Variants in IGSF9B observed in about 807,000 individuals in gnomAD.
The protein encoded by IGSF9B is immunoglobulin superfamily member 9B.
A neutral mutation model predicts 143.7 loss-of-function variants in IGSF9B; 48 were observed. That is an observed-to-expected ratio of 0.33 (90% CI 0.26 to 0.42). The LOEUF (loss-of-function observed/expected upper bound fraction) is 0.42. Among genes scored for constraint, IGSF9B ranks in the 20% least tolerant of loss-of-function variants. IGSF9B has a pLI of 1.00. For synonymous variants in IGSF9B, 903 were observed against 833.1 expected (o/e 1.08, Z -1.44); for missense variants, 1,706 against 1,980.0 (o/e 0.86, Z 2.63).
intron 17 of IGSF9B, among the ~76,000 whole-genome samples, 179 bp from the exon 18 acceptor site, chr11:133,921,576 T>C (rs1939539474): frequency 6.8e-6 from 1 of 146,830 alleles, no homozygotes; most frequent in Non-Finnish European, 1.5e-5. Flanking sequence ...TGAATCCTCC[T>C]TTTTTTTTTA....
chr11:133,956,115 G>A (rs1940247750), intron 1 of IGSF9B, among the ~76,000 whole-genome samples: 2 of 152,144 alleles, frequency 1.3e-5, no homozygotes, highest in African/African-American at 4.8e-5. Context: ...CCCTGCTAGG[G>A]GGATCCGACC....
In IGSF9B at chr11:133,900,094, A is replaced by G. The variant is rs1335162717; in HGVS notation, c.*8975T>C. On this transcript the variant is annotated 3_prime_UTR_variant, in exon 20 of 20. Coordinates refer to ENST00000533871, the MANE Select transcript of IGSF9B (RefSeq NM_001277285.4). The stretch of plus-strand genomic sequence containing the variant: ...ATGTAAGGATCAAGAGTTAGACTCA[A>G]GCTTTACCCCAACCTACTCTTCCCA... 2 of 114,980 alleles carry G rather than the reference A, an allele frequency of 1.7e-5. No individual in the cohort carries two copies. Among genetic ancestry groups the G allele is most frequent in the Non-Finnish European group, 4.3e-5 (2 of 46,836 alleles). 7.1% of individuals were successfully genotyped at this position (114,980 alleles called of 1,614,324 possible).
rs757431755 is a variant in IGSF9B, at chr11:133,935,775, A to G, written c.822-13T>C. On this transcript the variant is annotated splice_polypyrimidine_tract_variant and intron_variant, in intron 6 of 19. Transcript: ENST00000533871. ...CAGCTTCAGGTCGCTGCAAAGCGGC[A>G]TGGGGACAGGGGGTTGGGCGAGCAG... is the stretch of plus-strand genomic sequence containing the variant. The G allele has an allele frequency of 3.7e-6, 6 of 1,610,038 alleles. No individual in the cohort carries two copies. The South Asian group carries it at 6.6e-5, about 18-fold the overall frequency.
chr11:133,953,428 ACACATCCATCCAGC>A lies in IGSF9B; in HGVS notation c.64+3249_64+3262del, dbSNP rs1940198688. Among the ~76,000 whole-genome samples, 2 of 152,072 alleles carry A rather than the reference ACACATCCATCCAGC, an allele frequency of 1.3e-5. No individual in the cohort carries two copies. Among genetic ancestry groups the A allele is most frequent in the African/African-American group, 4.8e-5 (2 of 41,388 alleles). ...GCATGTGTGTGCTGAGGATACACACACACATCCATCCAGCCACTGACCACTTCCTGAGTGAAGTC... is the reference window on the plus strand; with the variant it reads ...GCATGTGTGTGCTGAGGATACACACACACTGACCACTTCCTGAGTGAAGTC... On this transcript the variant is annotated intron_variant, in intron 1 of 19. Transcript: ENST00000533871. The surrounding 1 kb of genome is among the most constrained non-coding windows in gnomAD (Gnocchi z 4.2).
chr11:133,942,675 G>C (rs767138161), intron 3 of IGSF9B, among the ~76,000 whole-genome samples: 5 of 152,170 alleles, frequency 3.3e-5, no homozygotes, highest in Non-Finnish European at 2.9e-5. Context: ...CCCTCAGCCT[G>C]GTGTTCATCA....
intron 18 of IGSF9B, chr11:133,919,053 G>C (rs912280462): frequency 1.4e-5 from 7 of 504,772 alleles, no homozygotes; most frequent in African/African-American, 6.0e-5. Context: ...AGTTTAGAGA[G>C]TGCTCTCTCA....
At chr11:133,939,964 G>A (rs1239973695) in intron 3 of IGSF9B, among the ~76,000 whole-genome samples, 2 of 146,946 alleles carry the variant, frequency 1.4e-5, no homozygotes, top group Non-Finnish European at 3.0e-5. Context: ...GCATGTCCTC[G>A]CATGCGTCAT....
intron 3 of IGSF9B, among the ~76,000 whole-genome samples, chr11:133,943,513 A>G (rs1939990601): frequency 1.3e-5 from 2 of 152,076 alleles, no homozygotes; most frequent in South Asian, 2.1e-4. Context: ...GCCTAGGCCA[A>G]CTCCCAGAGC....
At position 133,901,628 on chromosome 11, in the gene IGSF9B, ATT is replaced by A. The variant is rs1939121296; in HGVS notation, c.*7439_*7440del. 6.6e-6 allele frequency: 1 copy of A among 152,156 alleles called. No individual in the cohort carries two copies. Among genetic ancestry groups the A allele is most frequent in the Non-Finnish European group, 1.5e-5 (1 of 68,018 alleles). The allele number at this position is 152,156 out of a possible 1,614,324, so 9.4% of individuals were successfully genotyped here. A position where few individuals can be genotyped will look rare whatever the true frequency, so the allele number is the denominator to read the frequency against. On this transcript the variant is annotated 3_prime_UTR_variant, in exon 20 of 20. Transcript: ENST00000533871. ...AGAACCAATTCTGTAGATTTATATA[ATT>A]TTATGTACAGTCTCCATAAAAAATA... is the stretch of plus-strand genomic sequence containing the variant.
At chr11:133,944,052 G>A (rs543936460) in intron 3 of IGSF9B, among the ~76,000 whole-genome samples, 168 bp downstream of exon 3, 1 of 152,362 alleles carries the variant, frequency 6.6e-6, no homozygotes, top group South Asian at 2.1e-4. Flanking sequence ...CAGCAGCGGG[G>A]ACACTGCAGG....
At chr11:133,935,953 A>T in intron 6 of IGSF9B, 100 bp downstream of exon 6, 2 of 1,465,466 alleles carry the variant, frequency 1.4e-6, no homozygotes, top group Non-Finnish European at 9.2e-7. Flanking sequence ...CCCCAGCTCC[A>T]AGAGCCACGG....
chr11:133,943,722 T>A (rs918700854), intron 3 of IGSF9B, among the ~76,000 whole-genome samples: 1 of 152,162 alleles, frequency 6.6e-6, no homozygotes, highest in Non-Finnish European at 1.5e-5. Context: ...TGTTTATCCA[T>A]CATCAGCTGC....
chr11:133,939,997 G>A (rs1218035261), intron 3 of IGSF9B, among the ~76,000 whole-genome samples: 3 of 145,754 alleles, frequency 2.1e-5, no homozygotes, highest in Non-Finnish European at 3.0e-5. Flanking sequence ...CATACACCTT[G>A]CACGTCATCG....
In IGSF9B at chr11:133,902,036, CCA is replaced by C. The variant is rs1433839652; in HGVS notation, c.*7031_*7032del. Among the ~76,000 whole-genome samples, 1 of 142,324 alleles carries C rather than the reference CCA, an allele frequency of 7.0e-6. No individual in the cohort carries two copies. The highest frequency in any genetic ancestry group is 2.2e-4 in the South Asian group (1 of 4,626). The allele number at this position is 142,324 out of a possible 152,430, so 93.4% of individuals were successfully genotyped here. On this transcript the variant is annotated 3_prime_UTR_variant, in exon 20 of 20. Coordinates refer to ENST00000533871, the MANE Select transcript of IGSF9B (RefSeq NM_001277285.4). The stretch of plus-strand genomic sequence containing the variant: ...AGACATACACACACCATACCACACA[CCA>C]CACCCACACACAATACACACATACC...
intron 3 of IGSF9B, 40 bp downstream of exon 3, chr11:133,944,180 T>G (rs749336082): frequency 1.3e-6 from 2 of 1,559,700 alleles, no homozygotes; most frequent in Non-Finnish European, 1.7e-6. Flanking sequence ...TCAGGCACCG[T>G]TGATGGTGAG....
chr11:133,939,215 T>C (rs145002292), intron 3 of IGSF9B, among the ~76,000 whole-genome samples: 16 of 152,358 alleles, frequency 1.1e-4, no homozygotes, highest in Admixed American at 2.6e-4. Context: ...TAGGACTACA[T>C]ACCTGGAGCT....
intron 1 of IGSF9B, 34 bp downstream of exon 1, chr11:133,956,657 A>G: frequency 6.9e-7 from 1 of 1,449,730 alleles, no homozygotes; most frequent in Non-Finnish European, 9.3e-7. Flanking sequence ...GGGCGCCGGG[A>G]GGGGCAGGGG....
In IGSF9B at chr11:133,909,910, T is replaced by A. The variant is rs1939274341; in HGVS notation, c.4106-633A>T. 6.6e-6 allele frequency among the ~76,000 whole-genome samples: 1 copy of A among 152,236 alleles called. No individual in the cohort carries two copies. The highest frequency in any genetic ancestry group is 1.5e-5 in the Non-Finnish European group (1 of 68,042). On this transcript the variant is annotated intron_variant, in intron 19 of 19. Coordinates refer to ENST00000533871, the MANE Select transcript of IGSF9B (RefSeq NM_001277285.4). The surrounding 1 kb of genome is among the most constrained non-coding windows in gnomAD (Gnocchi z 4.2). ...ACTACAAAGATAAAATAGGGTCAACTGAGGCACTACTCCGCTCCTTAAAGG... is the reference window on the plus strand; with the variant it reads ...ACTACAAAGATAAAATAGGGTCAACAGAGGCACTACTCCGCTCCTTAAAGG...
Position 133,948,970 on chromosome 11 carries a change from A to AT in IGSF9B, c.65-2713dup, listed in dbSNP as rs1939699895. 6.6e-6 allele frequency among the ~76,000 whole-genome samples: 1 copy of AT among 152,096 alleles called. No homozygotes were observed. The highest frequency in any genetic ancestry group is 2.1e-4 in the South Asian group (1 of 4,820). ...TGCTCATTTGCACCGAGCCAGCCTC[A>AT]TTTTCACTGCACAGCAACGAGGCAG... is the stretch of plus-strand genomic sequence containing the variant. On this transcript the variant is annotated intron_variant, in intron 1 of 19. Coordinates refer to ENST00000533871, the MANE Select transcript of IGSF9B (RefSeq NM_001277285.4). The surrounding 1 kb of genome is among the most constrained non-coding windows in gnomAD (Gnocchi z 4.7).
Sources: gnomAD v4.1 joint callset for allele counts (sites outside exome capture counted in the v4.1 genomes callset) on GRCh38, gnomAD v4.1.1 for gene constraint, Gnocchi (gnomAD v3.1) non-coding constraint, MANE v1.5 for transcripts, NCBI Gene and HGNC (gene_info 2026-07-23, HGNC 2026-07-21) for gene names.